The following GMDS variants were observed in gnomAD, a reference collection of about 807,000 sequenced individuals.
GMDS encodes the protein GDP-mannose 4,6-dehydratase.
Under a neutral mutation model 49.9 loss-of-function variants are expected in GMDS, and 20 were observed. The observed-to-expected ratio is 0.40, with a 90% confidence interval of 0.28 to 0.58. The LOEUF (loss-of-function observed/expected upper bound fraction) is 0.58. Among genes scored for constraint, GMDS ranks in the 20% least tolerant of loss-of-function variants. The pLI, the probability that GMDS is intolerant of heterozygous loss-of-function variation, is 0.42. For missense variants in GMDS, 362 were observed against 481.4 expected (o/e 0.75, Z 2.32); for synonymous variants, 177 against 178.6 (o/e 0.99, Z 0.07).
intron 6 of GMDS, among the ~76,000 whole-genome samples, chr6:1,932,019 G>A (rs1036647379): frequency 3.9e-5 from 6 of 152,182 alleles, no homozygotes; most frequent in Non-Finnish European, 8.8e-5. Context: ...TCTGCAAGGG[G>A]GGAAAGCCTT....
chr6:1,776,812 G>A (rs377638808), intron 7 of GMDS, among the ~76,000 whole-genome samples: 2 of 152,048 alleles, frequency 1.3e-5, no homozygotes, highest in African/African-American at 4.8e-5. Context: ...CTTTCTATCT[G>A]GGCACTTAGC....
chr6:1,944,694 A>T (rs529128660), intron 6 of GMDS, among the ~76,000 whole-genome samples: 1 of 138,696 alleles, frequency 7.2e-6, no homozygotes, highest in South Asian at 2.4e-4. Context: ...AAAAAAAAAA[A>T]TTTCACGTTC....
chr6:2,129,244 C>A (rs1466546830), intron 1 of GMDS, among the ~76,000 whole-genome samples: 4 of 152,076 alleles, frequency 2.6e-5, no homozygotes, highest in African/African-American at 9.7e-5. Flanking sequence ...AAAAAAAAGA[C>A]TGATCTCACA....
intron 4 of GMDS, among the ~76,000 whole-genome samples, chr6:2,009,790 C>CT (rs1392854639): frequency 6.6e-6 from 1 of 152,174 alleles, no homozygotes; most frequent in African/African-American, 2.4e-5. Flanking sequence ...ATCTTCATCT[C>CT]TATCAGCAGA....
intron 7 of GMDS, among the ~76,000 whole-genome samples, chr6:1,799,210 A>C (rs1193183763): frequency 6.6e-5 from 10 of 152,154 alleles, no homozygotes; most frequent in Non-Finnish European, 1.0e-4. Flanking sequence ...GGAGGCAGCT[A>C]GTTCTGTGCT....
At chr6:2,231,045 G>A (rs1278368578) in intron 1 of GMDS, among the ~76,000 whole-genome samples, 3 of 148,216 alleles carry the variant, frequency 2.0e-5, no homozygotes, top group African/African-American at 7.5e-5. Flanking sequence ...AAGAAAGAGT[G>A]CCTGGTCAAA....
chr6:2,083,534 T>C (rs182750949), intron 4 of GMDS, among the ~76,000 whole-genome samples: 1 of 152,216 alleles, frequency 6.6e-6, no homozygotes, highest in Non-Finnish European at 1.5e-5. Flanking sequence ...CAAATGAAAA[T>C]GCCACACTGA....
At chr6:2,190,795 C>T (rs779886283) in intron 1 of GMDS, among the ~76,000 whole-genome samples, 5 of 152,136 alleles carry the variant, frequency 3.3e-5, no homozygotes, top group African/African-American at 7.2e-5. Flanking sequence ...GCAGGGGAGG[C>T]GTGGGTGGTG....
rs115499599 is a variant in GMDS, at chr6:1,997,913, C to G, written c.346-36947G>C. Among the ~76,000 whole-genome samples, 4 of 152,120 alleles carry G rather than the reference C, an allele frequency of 2.6e-5. No individual in the cohort carries two copies. In the East Asian group the frequency reaches 7.7e-4, roughly 29 times the overall value. The stretch of plus-strand genomic sequence containing the variant: ...AGCCAAGCTGAGTAGGCAGGGGAAA[C>G]GGCCTTTCCTCTGTATCTTCTGGGA... On this transcript the variant is annotated intron_variant, in intron 4 of 10. Coordinates refer to ENST00000380815, the MANE Select transcript of GMDS (RefSeq NM_001500.4).
chr6:1,936,648 C>T (rs897222529), intron 6 of GMDS, among the ~76,000 whole-genome samples: 5 of 152,132 alleles, frequency 3.3e-5, no homozygotes, highest in Non-Finnish European at 5.9e-5. Flanking sequence ...AAGCATGGAC[C>T]GCTTATATGA....
intron 9 of GMDS, among the ~76,000 whole-genome samples, chr6:1,686,146 A>T (rs988725873): frequency 2.6e-5 from 4 of 152,200 alleles, no homozygotes; most frequent in African/African-American, 9.7e-5. Context: ...GGCTGGGGGC[A>T]TGTGGCTGTG....
intron 7 of GMDS, among the ~76,000 whole-genome samples, chr6:1,826,654 G>T (rs541865230): frequency 2.4e-4 from 36 of 152,218 alleles, no homozygotes; most frequent in African/African-American, 8.2e-4. Flanking sequence ...CAATTCTGAG[G>T]TTTTATCAAG....
At chr6:2,235,579 T>C (rs1216391828) in intron 1 of GMDS, among the ~76,000 whole-genome samples, 1 of 150,862 alleles carries the variant, frequency 6.6e-6, no homozygotes, top group Non-Finnish European at 1.5e-5. Flanking sequence ...GTTGAGATGG[T>C]AGAATTGCTT....
intron 4 of GMDS, among the ~76,000 whole-genome samples, chr6:2,088,256 G>GATAT (rs957780160): frequency 3.3e-5 from 5 of 152,156 alleles, no homozygotes; most frequent in Admixed American, 3.3e-4. Context: ...GAGTGTGGGG[G>GATAT]ATATGGGAGG....
intron 4 of GMDS, among the ~76,000 whole-genome samples, chr6:2,115,162 A>G (rs557831506): frequency 1.3e-5 from 2 of 152,304 alleles, no homozygotes; most frequent in South Asian, 4.1e-4. Context: ...ACTTGAATTA[A>G]GCAGACCACT....
intron 9 of GMDS, among the ~76,000 whole-genome samples, chr6:1,657,552 A>G (rs891948117): frequency 6.6e-6 from 1 of 152,250 alleles, no homozygotes; most frequent in African/African-American, 2.4e-5. Flanking sequence ...CAAGCAGGAC[A>G]CTGATACCCT....
intron 7 of GMDS, among the ~76,000 whole-genome samples, chr6:1,901,440 G>GA (rs897356982): frequency 2.0e-5 from 3 of 152,052 alleles, no homozygotes; most frequent in African/African-American, 7.2e-5. Context: ...ACATAGAAAA[G>GA]AAAAAATATA....
chr6:2,161,439 A>G lies in GMDS; in HGVS notation c.103-36708T>C, dbSNP rs962636054. 2.0e-4 allele frequency among the ~76,000 whole-genome samples: 30 copies of G among 152,228 alleles called. 1 individual carries two copies. Among genetic ancestry groups the G allele is most frequent in the African/African-American group, 6.8e-4 (28 of 41,466 alleles). The stretch of plus-strand genomic sequence containing the variant: ...GACCACAGGTGCTTTCAGTGCACCT[A>G]CTGTATCTACCATCTGACATCTTAT... On this transcript the variant is annotated intron_variant, in intron 1 of 10. Transcript: ENST00000380815.
intron 4 of GMDS, among the ~76,000 whole-genome samples, chr6:2,003,166 A>C (rs939416854): frequency 1.3e-5 from 2 of 152,116 alleles, no homozygotes; most frequent in South Asian, 2.1e-4. Context: ...TTTACTCCTT[A>C]GTCATAATTA....
Sources: gnomAD v4.1 joint callset for allele counts (sites outside exome capture counted in the v4.1 genomes callset) on GRCh38, gnomAD v4.1.1 for gene constraint, MANE v1.5 for transcripts, NCBI Gene and HGNC (gene_info 2026-07-23, HGNC 2026-07-21) for gene names.